Variants in MANEA observed in about 807,000 individuals in gnomAD.
The protein encoded by MANEA is mannosidase endo-alpha.
In MANEA, 25 loss-of-function variants were observed where a neutral mutation model predicts 36.8. That is an observed-to-expected ratio of 0.68 (90% CI 0.50 to 0.95). The LOEUF (loss-of-function observed/expected upper bound fraction) is 0.95. MANEA is among the 40% of genes least tolerant of loss of function. The pLI is 0.00. For missense variants in MANEA, 565 were observed against 558.8 expected (o/e 1.01, Z -0.11); for synonymous variants, 198 against 188.5 (o/e 1.05, Z -0.41).
rs1432907423 is a variant in MANEA, at chr6:95,586,464, TG to T, written c.26del (p.Cys9SerfsTer14). 6.2e-7 allele frequency: 1 copy of T among 1,609,868 alleles called. No homozygotes were observed. On this transcript the variant is annotated frameshift_variant, in exon 2 of 5. Coordinates refer to ENST00000358812, the MANE Select transcript of MANEA (RefSeq NM_024641.4). LOFTEE classifies it high-confidence loss of function. Reference sequence around the variant, plus strand: ...CATGGCAAAGTTTCGGAGAAGGACTTGCATCATTTTGGCACTTTTTATTCTA... The same window carrying T: ...CATGGCAAAGTTTCGGAGAAGGACTTCATCATTTTGGCACTTTTTATTCTA... MAKFRRRT[C>X]IILALFILFI...
chr6:95,604,240 T>C (rs987258739), intron 3 of MANEA, among the ~76,000 whole-genome samples: 1 of 151,954 alleles, frequency 6.6e-6, no homozygotes, highest in Non-Finnish European at 1.5e-5. Context: ...TTTAATGATA[T>C]GGAAGAATTT....
In MANEA at chr6:95,586,698, A is replaced by C. The variant is rs372539183; in HGVS notation, c.259A>C (p.Lys87Gln). The change falls in exon 2 of 5, where the codon AAA becomes CAA. Residue 87 changes from lysine (K) to glutamine (Q), a missense_variant. By Grantham distance (53) the Lys-to-Gln change is moderately conservative (BLOSUM62 1). Coordinates refer to ENST00000358812, the MANE Select transcript of MANEA (RefSeq NM_024641.4). ...TGTTGAAATCACTATGAAACCTTCC[A>C]AAGCCTCTGAACTTAACTTGGATGA... The part of the protein sequence containing the change: ...KSVEITMKPS[K>Q]ASELNLDELP... The C allele has an allele frequency of 8.7e-6, 14 of 1,613,922 alleles. No individual in the cohort carries two copies. The African/African-American group carries it at 1.7e-4, about 20-fold the overall frequency.
In MANEA at chr6:95,606,397, G is replaced by C. The variant is rs755446383; in HGVS notation, c.1381G>C (p.Val461Leu). The C allele has an allele frequency of 6.3e-7, 1 of 1,588,928 alleles. No homozygotes were observed. Among genetic ancestry groups the C allele is most frequent in the Non-Finnish European group, 8.5e-7 (1 of 1,174,024 alleles). ...TTATGCATTAGATCGCCAGCTGCCTGTTTCTTAATGCATTGATTAAAGTTT... is the reference window on the plus strand; with the variant it reads ...TTATGCATTAGATCGCCAGCTGCCTCTTTCTTAATGCATTGATTAAAGTTT... Reference protein sequence around the residue: ...ATYALDRQLPVS With the variant: ...ATYALDRQLPLS Residue 461 changes from valine to leucine, a missense_variant, in exon 5 of 5, where the codon GTT (valine) becomes CTT (leucine). Physicochemically the swap from Val to Leu is conservative, Grantham distance 32. Transcript: ENST00000358812.
intron 2 of MANEA, chr6:95,588,290 A>G (rs1241418998): frequency 6.6e-6 from 1 of 152,072 alleles, no homozygotes; most frequent in African/African-American, 2.4e-5. Flanking sequence ...GCTGATATGT[A>G]TTTAGAGAAA....
chr6:95,591,747 G>T (rs192525437), intron 2 of MANEA, among the ~76,000 whole-genome samples: 98 of 152,202 alleles, frequency 6.4e-4, no homozygotes, highest in South Asian at 3.9e-3. Flanking sequence ...GCCCAGGCTG[G>T]AGTGCAGTGG....
At chr6:95,601,220 T>C (rs1191780171) in intron 3 of MANEA, among the ~76,000 whole-genome samples, 2 of 152,252 alleles carry the variant, frequency 1.3e-5, no homozygotes, top group African/African-American at 4.8e-5. Flanking sequence ...AAATCAGGGC[T>C]GGATTCCTTC....
At chr6:95,588,714 C>T (rs2127940193) in intron 2 of MANEA, among the ~76,000 whole-genome samples, 1 of 151,738 alleles carries the variant, frequency 6.6e-6, no homozygotes, top group East Asian at 1.9e-4. Flanking sequence ...TTTTCATTTG[C>T]AATTTGAATA....
Position 95,586,993 on chromosome 6 carries a change from G to GTATA in MANEA, c.544+20_544+23dup, listed in dbSNP as rs113485216. On this transcript the variant is annotated intron_variant, in intron 2 of 4. Transcript: ENST00000358812. ...CGCTCAGCTTCAATTGGTAATTATTGTATATATATATATGTGTGTTTGTGT... is the reference window on the plus strand; with the variant it reads ...CGCTCAGCTTCAATTGGTAATTATTGTATATATATATATATATGTGTGTTTGTGT... 59,135 of 1,299,652 alleles carry GTATA rather than the reference G, an allele frequency of 0.046. 2,517 individuals are homozygous for GTATA. Among genetic ancestry groups the GTATA allele is most frequent in the East Asian group, 0.31 (12,519 of 39,992 alleles). 80.5% of individuals were successfully genotyped at this position (1,299,652 alleles called of 1,614,324 possible).
At chr6:95,577,893 A>G (rs1220583287) in intron 1 of MANEA, among the ~76,000 whole-genome samples, 1 of 152,084 alleles carries the variant, frequency 6.6e-6, no homozygotes, top group Non-Finnish European at 1.5e-5. Context: ...TGCCTTTTAC[A>G]CTGCTTTATC....
Position 95,586,932 on chromosome 6 carries a change from G to T in MANEA, c.493G>T (p.Asp165Tyr), listed in dbSNP as rs778603302. 1 of 1,612,908 alleles carries T rather than the reference G, an allele frequency of 6.2e-7. No individual in the cohort carries two copies. Among genetic ancestry groups the T allele is most frequent in the Non-Finnish European group, 8.5e-7 (1 of 1,179,392 alleles). The change falls in exon 2 of 5, where the codon GAT becomes TAT. Residue 165 changes from aspartate (D) to tyrosine (Y), a missense_variant. By Grantham distance (160) the Asp-to-Tyr change is radical. Coordinates refer to ENST00000358812, the MANE Select transcript of MANEA (RefSeq NM_024641.4). ...TGAATTGGGAAGTTACAGTTCTCGG[G>T]ATCCTTCTGTCATAGAAACTCACAT... Reference protein sequence around the residue: ...YPELGSYSSRDPSVIETHMRQ... With the variant: ...YPELGSYSSRYPSVIETHMRQ...
chr6:95,585,233 A>G (rs946032437), intron 1 of MANEA, among the ~76,000 whole-genome samples: 1 of 152,234 alleles, frequency 6.6e-6, no homozygotes, highest in African/African-American at 2.4e-5. Flanking sequence ...TTACTAAAAC[A>G]AAAACACATA....
chr6:95,592,875 T>A (rs1769408340), intron 2 of MANEA, among the ~76,000 whole-genome samples: 1 of 152,206 alleles, frequency 6.6e-6, no homozygotes, highest in Admixed American at 6.5e-5. Flanking sequence ...ATCTGATTTT[T>A]ATACCCTATA....
chr6:95,603,593 G>C (rs570636874), intron 3 of MANEA, among the ~76,000 whole-genome samples: 2 of 151,998 alleles, frequency 1.3e-5, no homozygotes, highest in South Asian at 4.2e-4. Context: ...GTGAAAACAA[G>C]TAGCACTGAT....
chr6:95,601,061 T>C (rs1297976746), intron 3 of MANEA, among the ~76,000 whole-genome samples: 3 of 152,220 alleles, frequency 2.0e-5, no homozygotes, highest in African/African-American at 7.2e-5. Context: ...TTTGGAAGTG[T>C]AAATGAGTGA....
At chr6:95,596,343 ACT>A (rs979926827) in intron 2 of MANEA, among the ~76,000 whole-genome samples, 2 of 152,148 alleles carry the variant, frequency 1.3e-5, no homozygotes, top group African/African-American at 4.8e-5. Context: ...TAAACTATGG[ACT>A]TTAGTGAATA....
chr6:95,606,870 A>G lies in MANEA; in HGVS notation c.*465A>G, dbSNP rs899211188. Reference sequence around the variant, plus strand: ...TCATGTCTTTAAAATAATTTAATCAACTTTATTGTCTTAGTATTTAGACTC... The same window carrying G: ...TCATGTCTTTAAAATAATTTAATCAGCTTTATTGTCTTAGTATTTAGACTC... On this transcript the variant is annotated 3_prime_UTR_variant, in exon 5 of 5. Coordinates refer to ENST00000358812, the MANE Select transcript of MANEA (RefSeq NM_024641.4). 3 of 152,208 alleles carry G rather than the reference A, an allele frequency of 2.0e-5. No homozygotes were observed. Among genetic ancestry groups the G allele is most frequent in the Admixed American group, 2.0e-4 (3 of 15,254 alleles). 9.4% of individuals were successfully genotyped at this position (152,208 alleles called of 1,614,324 possible).
In MANEA at chr6:95,609,412, T is replaced by C. The variant is rs1752726010; in HGVS notation, c.*3007T>C. ...ATTACTATTTTGTTATATGGAATGG[T>C]TAATTTTTACCTAATAAAAACATAG... On this transcript the variant is annotated 3_prime_UTR_variant, in exon 5 of 5. Coordinates refer to ENST00000358812, the MANE Select transcript of MANEA (RefSeq NM_024641.4). 6.6e-6 allele frequency: 1 copy of C among 151,744 alleles called. No individual in the cohort carries two copies. The highest frequency in any genetic ancestry group is 2.4e-5 in the African/African-American group (1 of 41,432). The allele number at this position is 151,744 out of a possible 1,614,324, so 9.4% of individuals were successfully genotyped here. A position where few individuals can be genotyped will look rare whatever the true frequency, so the allele number is the denominator to read the frequency against.
intron 1 of MANEA, among the ~76,000 whole-genome samples, chr6:95,578,346 A>G (rs1387139069): frequency 1.3e-5 from 2 of 152,176 alleles, no homozygotes; most frequent in African/African-American, 2.4e-5. Context: ...GTAAGACCCT[A>G]CGGATAAGTG....
At chr6:95,600,251 G>A (rs1413568824) in intron 3 of MANEA, among the ~76,000 whole-genome samples, 6 of 152,088 alleles carry the variant, frequency 3.9e-5, no homozygotes, top group Non-Finnish European at 7.4e-5. Context: ...CTTGGAACAC[G>A]ATAGACTAAT....
Sources: allele counts gnomAD v4.1 joint callset (sites outside exome capture counted in the v4.1 genomes callset), GRCh38; gene constraint gnomAD v4.1.1; transcripts MANE v1.5; gene names NCBI Gene and HGNC (gene_info 2026-07-23, HGNC 2026-07-21).